ADAMTS17: variants seen among roughly 807,000 people sequenced by gnomAD.
ADAMTS17 encodes ADAM metallopeptidase with thrombospondin type 1 motif 17.
In ADAMTS17, 113 loss-of-function variants were observed where a neutral mutation model predicts 141.5. The ratio of observed to expected loss-of-function variants is 0.80; its 90% CI spans 0.69 to 0.93. The LOEUF is 0.93. ADAMTS17 is among the 40% of genes least tolerant of loss of function. ADAMTS17 has a pLI of 0.00. For synonymous variants in ADAMTS17, 768 were observed against 630.6 expected, an observed-to-expected ratio of 1.22 and a Z score of -3.27; for missense variants, 1,659 against 1,517.9, an observed-to-expected ratio of 1.09 and a Z score of -1.54.
At chr15:100,196,771 C>T (rs1266741200) in intron 8 of ADAMTS17, among the ~76,000 whole-genome samples, 2 of 152,326 alleles carry the variant, frequency 1.3e-5, no homozygotes, top group East Asian at 3.9e-4. Context: ...CCTTTTCCAG[C>T]AGCCCATATA....
Position 100,249,690 on chromosome 15 carries a change from C to T in ADAMTS17, c.1075+4446G>A, listed in dbSNP as rs114118851. ...CCCCTTCCAGTAGGTGCCCTTGGCT[C>T]ATTCCTCACAATCAGAAATGCAGAC... is the stretch of plus-strand genomic sequence containing the variant. On this transcript the variant is annotated intron_variant, in intron 7 of 21. Transcript: ENST00000268070. 5.4e-3 allele frequency among the ~76,000 whole-genome samples: 822 copies of T among 152,310 alleles called. 4 individuals carry two copies. Among genetic ancestry groups the T allele is most frequent in the African/African-American group, 0.018 (761 of 41,568 alleles).
intron 7 of ADAMTS17, among the ~76,000 whole-genome samples, chr15:100,250,203 T>TTACA (rs2043110522): frequency 6.6e-6 from 1 of 152,198 alleles, no homozygotes; most frequent in Admixed American, 6.5e-5. Context: ...TTTGCCCTCT[T>TTACA]TACATATATG....
At chr15:99,976,523 A>G (rs1166474726) in intron 20 of ADAMTS17, 2 of 559,874 alleles carry the variant, frequency 3.6e-6, no homozygotes, top group African/African-American at 3.8e-5. Context: ...GCCTGATAGA[A>G]GACTGTTTCA....
Position 100,070,655 on chromosome 15 carries a change from C to T in ADAMTS17, c.2138-16601G>A, listed in dbSNP as rs368596580. ...TCCTGAATGACTACTGGGTACATAA[C>T]GAAATGAAGGCAGAAATAAAGATGT... On this transcript the variant is annotated intron_variant, in intron 15 of 21. Coordinates refer to ENST00000268070, the MANE Select transcript of ADAMTS17 (RefSeq NM_139057.4). Among the ~76,000 whole-genome samples the T allele has an allele frequency of 1.4e-4, 21 of 149,932 alleles. 1 individual carries two copies. The highest frequency in any genetic ancestry group is 3.9e-4 in the East Asian group (2 of 5,136).
Position 99,999,521 on chromosome 15 carries a change from G to A in ADAMTS17, c.2592-1932C>T, listed in dbSNP as rs541142962. On this transcript the variant is annotated intron_variant, in intron 18 of 21. Coordinates refer to ENST00000268070, the MANE Select transcript of ADAMTS17 (RefSeq NM_139057.4). ...GGCCCTGGTGGAGGGGCACGCTGGC[G>A]GGGTGGAGGCGGAGTGAGGAAGGGG... Among the ~76,000 whole-genome samples, 396 of 152,254 alleles carry A rather than the reference G, an allele frequency of 2.6e-3. 2 individuals carry two copies. The highest frequency in any genetic ancestry group is 9.0e-3 in the African/African-American group (375 of 41,540).
intron 21 of ADAMTS17, 118 bp from the exon 22 acceptor site, chr15:99,974,680 C>T (rs2060284459): frequency 7.6e-7 from 1 of 1,322,226 alleles, no homozygotes; most frequent in African/African-American, 1.4e-5. Flanking sequence ...GTGCACACGT[C>T]AACCCTTTGC....
In ADAMTS17 at chr15:100,133,426, T is replaced by C. The variant is rs979040588; in HGVS notation, c.1474-111A>G. On this transcript the variant is annotated intron_variant, in intron 10 of 21. Transcript: ENST00000268070. ...TGTTTCAAATTTGGGATTCGAAACG[T>C]ATGGGGAAGCCAGAGGGTCATAAGT... 5 of 1,003,734 alleles carry C rather than the reference T, an allele frequency of 5.0e-6. No homozygotes were observed. The African/African-American group carries it at 8.0e-5, about 16-fold the overall frequency. 62.2% of individuals were successfully genotyped at this position (1,003,734 alleles called of 1,614,324 possible).
intron 9 of ADAMTS17, among the ~76,000 whole-genome samples, chr15:100,154,765 C>T (rs1434706941): frequency 6.6e-6 from 1 of 152,142 alleles, no homozygotes; most frequent in African/African-American, 2.4e-5. Flanking sequence ...CTGAGCAAAC[C>T]CACCCCTCAT....
intron 7 of ADAMTS17, among the ~76,000 whole-genome samples, chr15:100,208,342 TAAG>T (rs1261151803): frequency 6.6e-6 from 1 of 152,152 alleles, no homozygotes; most frequent in Non-Finnish European, 1.5e-5. Flanking sequence ...CACAAATGCA[TAAG>T]GCCAGAAGAC....
chr15:100,035,473 C>T (rs2030617559), intron 18 of ADAMTS17, among the ~76,000 whole-genome samples: 1 of 152,164 alleles, frequency 6.6e-6, no homozygotes, highest in African/African-American at 2.4e-5. Context: ...ACTGTCTCAC[C>T]AGTGTGTAAT....
chr15:99,988,262 T>C (rs2060628948), intron 20 of ADAMTS17, among the ~76,000 whole-genome samples: 1 of 152,104 alleles, frequency 6.6e-6, no homozygotes. Context: ...AATGCCTTGA[T>C]GTCCTTCCCA....
chr15:100,114,662 G>A (rs1315640470), intron 13 of ADAMTS17, among the ~76,000 whole-genome samples: 3 of 152,154 alleles, frequency 2.0e-5, no homozygotes, highest in Non-Finnish European at 4.4e-5. Context: ...TCAGATCAAA[G>A]GCGGTGGCAC....
chr15:100,231,126 T>C (rs969447254), intron 7 of ADAMTS17, among the ~76,000 whole-genome samples: 5 of 152,236 alleles, frequency 3.3e-5, no homozygotes, highest in Admixed American at 3.3e-4. Context: ...AATACTTCCA[T>C]CAGGGAATTT....
At chr15:100,200,175 G>A (rs2041270861) in intron 7 of ADAMTS17, among the ~76,000 whole-genome samples, 1 of 152,208 alleles carries the variant, frequency 6.6e-6, no homozygotes, top group Non-Finnish European at 1.5e-5. Flanking sequence ...CAGGAAACCT[G>A]AACCACACAC....
intron 12 of ADAMTS17, among the ~76,000 whole-genome samples, chr15:100,124,636 G>A (rs879937714): frequency 6.6e-6 from 1 of 152,238 alleles, no homozygotes; most frequent in African/African-American, 2.4e-5. Context: ...ATACCTGCAC[G>A]TGCGCCCCAA....
intron 18 of ADAMTS17, 122 bp downstream of exon 18, chr15:100,048,735 C>G: frequency 2.1e-6 from 3 of 1,455,900 alleles, no homozygotes; most frequent in Non-Finnish European, 1.9e-6. Flanking sequence ...AATCTCTCAT[C>G]AACAATAACG....
At chr15:100,310,997 C>T (rs769800933) in intron 3 of ADAMTS17, among the ~76,000 whole-genome samples, 16 of 152,192 alleles carry the variant, frequency 1.1e-4, no homozygotes, top group Admixed American at 5.9e-4. Flanking sequence ...GCAGCTGTCC[C>T]GGTGAGACTT....
chr15:100,228,625 AG>A (rs1247836009), intron 7 of ADAMTS17, among the ~76,000 whole-genome samples: 1 of 152,206 alleles, frequency 6.6e-6, no homozygotes, highest in East Asian at 1.9e-4. Context: ...ACCACGAGAG[AG>A]CGCTGAACAG....
At chr15:100,261,959 G>C (rs572525097) in intron 5 of ADAMTS17, among the ~76,000 whole-genome samples, 2 of 152,314 alleles carry the variant, frequency 1.3e-5, no homozygotes, top group South Asian at 2.1e-4. Context: ...GGTAACATCA[G>C]CATGTGGGAA....
Sources: allele counts gnomAD v4.1 joint callset (sites outside exome capture counted in the v4.1 genomes callset), GRCh38; gene constraint gnomAD v4.1.1; transcripts MANE v1.5; gene names NCBI Gene and HGNC (gene_info 2026-07-23, HGNC 2026-07-21).